The following GNA14 variants were observed in gnomAD, a reference collection of about 807,000 sequenced individuals.
GNA14 encodes guanine nucleotide-binding protein subunit alpha-14.
GNA14 carries 50 observed loss-of-function variants against 42.0 expected under a neutral mutation model. That is an observed-to-expected ratio of 1.19 (90% confidence interval 0.95 to 1.51). The LOEUF (loss-of-function observed/expected upper bound fraction) is 1.51. Among genes scored for constraint, GNA14 ranks in the 40% most tolerant of loss-of-function variants. The pLI, the probability that GNA14 is intolerant of heterozygous loss-of-function variation, is 0.00. For synonymous variants in GNA14, 173 were observed against 163.1 expected, an observed-to-expected ratio of 1.06 and a Z score of -0.46; for missense variants, 473 against 446.2, an observed-to-expected ratio of 1.06 and a Z score of -0.54.
intron 2 of GNA14, among the ~76,000 whole-genome samples, chr9:77,453,215 G>A (rs1422928770): frequency 6.6e-6 from 1 of 152,176 alleles, no homozygotes; most frequent in Non-Finnish European, 1.5e-5. Flanking sequence ...AAGACACCAA[G>A]AAGATGCCAT....
Position 77,618,613 on chromosome 9 carries a change from TATA to T in GNA14, c.124+29054_124+29056del, listed in dbSNP as rs1237707895. ...ATATATATATATATATATATATATATATATATATTTTTTTTTTTTTTTTTTTTT... is the reference window on the plus strand; with the variant it reads ...ATATATATATATATATATATATATATTATATTTTTTTTTTTTTTTTTTTTT... On this transcript the variant is annotated intron_variant, in intron 1 of 6. Transcript: ENST00000341700. Among the ~76,000 whole-genome samples, 77 of 13,994 alleles carry T rather than the reference TATA, an allele frequency of 5.5e-3. 4 individuals are homozygous for T. Among genetic ancestry groups the T allele is most frequent in the South Asian group, 7.7e-3 (2 of 260 alleles). 9.2% of individuals were successfully genotyped at this position (13,994 alleles called of 152,430 possible).
chr9:77,639,202 G>C (rs935537567), intron 1 of GNA14, among the ~76,000 whole-genome samples: 4 of 152,158 alleles, frequency 2.6e-5, no homozygotes, highest in Non-Finnish European at 5.9e-5. Flanking sequence ...AGAAAGGTAG[G>C]AGGCAGCAGC....
chr9:77,621,202 G>T (rs1823916863), intron 1 of GNA14, among the ~76,000 whole-genome samples: 1 of 152,158 alleles, frequency 6.6e-6, no homozygotes, highest in Admixed American at 6.5e-5. Flanking sequence ...CCAACGTGCT[G>T]TGATTACAGG....
intron 1 of GNA14, among the ~76,000 whole-genome samples, chr9:77,634,963 T>C (rs879553168): frequency 1.3e-5 from 2 of 151,444 alleles, no homozygotes; most frequent in African/African-American, 2.5e-5. Flanking sequence ...TATTCAGACA[T>C]TGGAGCATAT....
chr9:77,472,508 T>A (rs1053500723), intron 2 of GNA14, among the ~76,000 whole-genome samples: 4 of 152,168 alleles, frequency 2.6e-5, no homozygotes, highest in African/African-American at 9.6e-5. Context: ...GAATTTGTGG[T>A]CCAGCATATA....
intron 1 of GNA14, among the ~76,000 whole-genome samples, chr9:77,601,417 T>C (rs796370286): frequency 2.6e-5 from 4 of 152,330 alleles, no homozygotes; most frequent in African/African-American, 7.2e-5. Context: ...TAAACCTCAT[T>C]TACGCTAATA....
chr9:77,494,837 C>T (rs965261904), intron 2 of GNA14, among the ~76,000 whole-genome samples: 1 of 151,972 alleles, frequency 6.6e-6, no homozygotes, highest in African/African-American at 2.4e-5. Context: ...TCTCGCTTTG[C>T]TGCCCAGGCT....
At chr9:77,607,343 A>C (rs1488161250) in intron 1 of GNA14, among the ~76,000 whole-genome samples, 4 of 152,180 alleles carry the variant, frequency 2.6e-5, no homozygotes, top group African/African-American at 9.6e-5. Flanking sequence ...TGAATCCTAA[A>C]AGAAGAAGCC....
chr9:77,643,294 CAATGGTGCT>C (rs1824298499), intron 1 of GNA14, among the ~76,000 whole-genome samples: 1 of 148,980 alleles, frequency 6.7e-6, no homozygotes, highest in African/African-American at 2.5e-5. Flanking sequence ...GGCTGGAGTG[CAATGGTGCT>C]ATCTCAGCTC....
chr9:77,499,359 C>T (rs1836927210), intron 2 of GNA14, among the ~76,000 whole-genome samples: 1 of 149,788 alleles, frequency 6.7e-6, no homozygotes, highest in Non-Finnish European at 1.5e-5. Context: ...GTTGGTAAAT[C>T]TTTAGTACTT....
intron 1 of GNA14, among the ~76,000 whole-genome samples, chr9:77,625,232 G>T (rs1032014346): frequency 2.0e-5 from 3 of 152,032 alleles, no homozygotes; most frequent in African/African-American, 7.2e-5. Context: ...AAGCCTCCAA[G>T]AAATATGAGA....
chr9:77,426,453 T>TACCACC (rs1293558707), intron 5 of GNA14, among the ~76,000 whole-genome samples: 1 of 152,070 alleles, frequency 6.6e-6, no homozygotes, highest in East Asian at 1.9e-4. Flanking sequence ...CACAGGTGCA[T>TACCACC]ACCACCACAC....
chr9:77,520,967 T>A (rs1324279743), intron 2 of GNA14, among the ~76,000 whole-genome samples: 1 of 152,246 alleles, frequency 6.6e-6, no homozygotes, highest in Non-Finnish European at 1.5e-5. Context: ...GTGGGTGTTT[T>A]AATTGTGACG....
intron 1 of GNA14, among the ~76,000 whole-genome samples, chr9:77,598,220 A>G (rs1823498337): frequency 6.6e-6 from 1 of 152,180 alleles, no homozygotes; most frequent in East Asian, 1.9e-4. Context: ...TATCACCCAA[A>G]AAGTTTGGAG....
Position 77,428,992 on chromosome 9 carries a change from A to G in GNA14, c.638T>C (p.Ile213Thr). Residue 213 changes from isoleucine (I) to threonine (T), a missense_variant, in exon 5 of 7, where the codon ATT (isoleucine) becomes ACT (threonine). Physicochemically the swap from Ile to Thr is moderately conservative, Grantham distance 89. Transcript: ENST00000341700. The stretch of plus-strand genomic sequence containing the variant: ...GGAGGTGACACTCTCAAAGCAGTGA[A>G]TCCACTTCCGTCTTTCCGATCGTTG... Reference protein sequence around the residue: ...GGQRSERRKWIHCFESVTSII... With the variant: ...GGQRSERRKWTHCFESVTSII... 6.2e-7 allele frequency: 1 copy of G among 1,613,838 alleles called. No individual in the cohort carries two copies. The highest frequency in any genetic ancestry group is 1.1e-5 in the South Asian group (1 of 91,070).
intron 2 of GNA14, among the ~76,000 whole-genome samples, chr9:77,437,307 G>A (rs1835655014): frequency 1.3e-5 from 2 of 152,210 alleles, no homozygotes; most frequent in Admixed American, 1.3e-4. Context: ...CACTTTGGGA[G>A]GCCGAGGGAG....
intron 5 of GNA14, among the ~76,000 whole-genome samples, chr9:77,426,056 T>A (rs910954352): frequency 6.6e-6 from 1 of 152,198 alleles, no homozygotes; most frequent in African/African-American, 2.4e-5. Flanking sequence ...CTGTGTCATG[T>A]GATCGTTGGG....
intron 2 of GNA14, among the ~76,000 whole-genome samples, chr9:77,528,387 C>T (rs1232586391): frequency 6.6e-6 from 1 of 152,098 alleles, no homozygotes; most frequent in Non-Finnish European, 1.5e-5. Context: ...TAGTATTATT[C>T]TCCTCTGGAT....
chr9:77,610,803 C>A (rs1823718252), intron 1 of GNA14, among the ~76,000 whole-genome samples: 1 of 152,104 alleles, frequency 6.6e-6, no homozygotes, highest in Non-Finnish European at 1.5e-5. Flanking sequence ...TTGCAAATAT[C>A]TGTAAGATGT....
Sources: allele counts gnomAD v4.1 joint callset (sites outside exome capture counted in the v4.1 genomes callset), GRCh38; gene constraint gnomAD v4.1.1; transcripts MANE v1.5; gene names NCBI Gene and HGNC (gene_info 2026-07-23, HGNC 2026-07-21).